Variants in MICA observed in about 807,000 individuals in gnomAD.
The protein encoded by MICA is HLA class I antigen.
A neutral mutation model predicts 34.3 loss-of-function variants in MICA; 18 were observed. The ratio of observed to expected loss-of-function variants is 0.52; its 90% CI spans 0.36 to 0.78. MICA has a LOEUF of 0.78. Among genes scored for constraint, MICA ranks in the 30% least tolerant of loss-of-function variants. The pLI, the probability that MICA is intolerant of heterozygous loss-of-function variation, is 0.00. For missense variants in MICA, 333 were observed against 409.4 expected (o/e 0.81, Z 1.61); for synonymous variants, 135 against 156.9 (o/e 0.86, Z 1.04).
chr6:31,409,810 G>A (rs12175489), intron 1 of MICA, among the ~76,000 whole-genome samples: 19,178 of 151,594 alleles, frequency 0.13, 1,632 homozygotes, highest in East Asian at 0.34. Flanking sequence ...GCAAATTAAG[G>A]GTCCAATTTT....
chr6:31,411,481 C>A lies in MICA; in HGVS notation c.613+122C>A. 2.0e-6 allele frequency: 2 copies of A among 1,013,174 alleles called. No individual in the cohort carries two copies. Among genetic ancestry groups the A allele is most frequent in the Non-Finnish European group, 1.4e-6 (1 of 711,854 alleles). The allele number at this position is 1,013,174 out of a possible 1,614,324, so 62.8% of individuals were successfully genotyped here. A position where few individuals can be genotyped will look rare whatever the true frequency, so the allele number is the denominator to read the frequency against. On this transcript the variant is annotated intron_variant, in intron 3 of 5. Transcript: ENST00000449934. The surrounding 1 kb of genome is among the most constrained non-coding windows in gnomAD (Gnocchi z 4.3). ...ATGAAGGCATTTCCTGTTGGCACATCGTGTCCTGATTTTCCTCTATTGTTA... is the reference window on the plus strand; with the variant it reads ...ATGAAGGCATTTCCTGTTGGCACATAGTGTCCTGATTTTCCTCTATTGTTA...
chr6:31,410,996 C>T (rs530390196), intron 2 of MICA, 76 bp from the exon 3 acceptor site: 1 of 1,494,622 alleles, frequency 6.7e-7, no homozygotes, highest in South Asian at 1.4e-5. Context: ...GAGGCATACC[C>T]CCTGGGCTGA....
upstream of MICA, chr6:31,403,475 A>C: frequency 1.7e-6 from 1 of 572,870 alleles, no homozygotes. This position sits in a 1 kb window ranked among gnomAD's most constrained non-coding sequence, Gnocchi z 4.7. Context: ...TTCTCTTCCA[A>C]GCGTGGCCCC....
intron 1 of MICA, among the ~76,000 whole-genome samples, chr6:31,409,547 T>C (rs1042937172): frequency 6.6e-6 from 1 of 151,878 alleles, no homozygotes; most frequent in African/African-American, 2.4e-5. Context: ...CAATATTTAT[T>C]TCATTTCGGG....
intron 1 of MICA, among the ~76,000 whole-genome samples, chr6:31,410,130 T>A (rs1298477910): frequency 1.8e-5 from 2 of 113,374 alleles, no homozygotes; most frequent in Non-Finnish European, 3.4e-5. Context: ...CATCTCACCC[T>A]CAGCCTATGC....
rs896566854 is a variant in MICA at position 31,403,827 on chromosome 6, G to A, written c.70+125G>A. 7.1e-5 allele frequency: 60 copies of A among 850,384 alleles called. No individual in the cohort carries two copies. In the African/African-American group the frequency reaches 7.5e-4, roughly 11 times the overall value. The allele number at this position is 850,384 out of a possible 1,614,324, so 52.7% of individuals were successfully genotyped here. ...TCCTGTGCCCTGTCGGTGGCGCAGG[G>A]AGCTGGACGCGGCCCGTTACCGCCA... is the stretch of plus-strand genomic sequence containing the variant. On this transcript the variant is annotated intron_variant, in intron 1 of 5. Coordinates refer to ENST00000449934, the MANE Select transcript of MICA (RefSeq NM_001177519.3). This position sits in a 1 kb window ranked among gnomAD's most constrained non-coding sequence, Gnocchi z 4.7.
chr6:31,404,907 G>A (rs1270927566), intron 1 of MICA, among the ~76,000 whole-genome samples: 3 of 151,218 alleles, frequency 2.0e-5, no homozygotes, highest in Non-Finnish European at 4.4e-5. Flanking sequence ...TGGTCCCTCC[G>A]CCCCTCTCCA....
chr6:31,412,986 G>A (rs1771291342), intron 5 of MICA, among the ~76,000 whole-genome samples: 1 of 151,048 alleles, frequency 6.6e-6, no homozygotes, highest in South Asian at 2.1e-4. Flanking sequence ...GACCTATGAG[G>A]CCCAGCCTGG....
upstream of MICA, among the ~76,000 whole-genome samples, chr6:31,403,231 G>A (rs112799839): frequency 5.1e-3 from 772 of 151,932 alleles, 20 homozygotes; most frequent in African/African-American, 0.018. The surrounding 1 kb of genome is among the most constrained non-coding windows in gnomAD (Gnocchi z 4.7). Context: ...TTAATGGGGC[G>A]GCCGGCGAAA....
rs1269099616 is a variant in MICA, at chr6:31,411,550, G to C, written c.613+191G>C. On this transcript the variant is annotated intron_variant, in intron 3 of 5. Coordinates refer to ENST00000449934, the MANE Select transcript of MICA (RefSeq NM_001177519.3). This position sits in a 1 kb window ranked among gnomAD's most constrained non-coding sequence, Gnocchi z 4.3. ...AGAGGGTCAGGGACTGGACCATCCAGTGTTGTAATCAGGGCAAGTAGAGGA... is the reference window on the plus strand; with the variant it reads ...AGAGGGTCAGGGACTGGACCATCCACTGTTGTAATCAGGGCAAGTAGAGGA... Among the ~76,000 whole-genome samples, 1 of 151,862 alleles carries C rather than the reference G, an allele frequency of 6.6e-6. No individual in the cohort carries two copies. Among genetic ancestry groups the C allele is most frequent in the African/African-American group, 2.4e-5 (1 of 41,256 alleles).
chr6:31,409,309 C>G lies in MICA; in HGVS notation c.71-1234C>G, dbSNP rs528265306. 4.2e-3 allele frequency among the ~76,000 whole-genome samples: 623 copies of G among 149,690 alleles called. 17 individuals carry two copies. The East Asian group carries it at 0.053, about 13-fold the overall frequency. On this transcript the variant is annotated intron_variant, in intron 1 of 5. Coordinates refer to ENST00000449934, the MANE Select transcript of MICA (RefSeq NM_001177519.3). ...TCTCTGTCTCTTTGCCAACCTTGCT[C>G]TGTGTGTGTGTGTATGTGTGTGTGT...
chr6:31,401,767 C>T (rs1282156566), upstream of MICA, among the ~76,000 whole-genome samples: 1 of 151,838 alleles, frequency 6.6e-6, no homozygotes, highest in Non-Finnish European at 1.5e-5. Context: ...TCGGAATCAC[C>T]TAGGGAACTT....
chr6:31,411,880 C>A lies in MICA; in HGVS notation c.614-67C>A. ...CCAGAGTGAGAACAGTGAAGAGAAA[C>A]AGCCCTGTTCCTCTCCCCTCCTTAG... is the stretch of plus-strand genomic sequence containing the variant. On this transcript the variant is annotated intron_variant, in intron 3 of 5. Transcript: ENST00000449934. The surrounding 1 kb of genome is among the most constrained non-coding windows in gnomAD (Gnocchi z 4.3). 1.9e-6 allele frequency: 3 copies of A among 1,549,244 alleles called. No homozygotes were observed. Among genetic ancestry groups the A allele is most frequent in the Non-Finnish European group, 2.6e-6 (3 of 1,149,226 alleles).
chr6:31,410,964 G>T, intron 2 of MICA, 108 bp from the exon 3 acceptor site: 1 of 1,471,684 alleles, frequency 6.8e-7, no homozygotes, highest in Non-Finnish European at 9.0e-7. Context: ...GCCCACACAG[G>T]GAGGCATGGA....
chr6:31,410,988 G>A, intron 2 of MICA, 84 bp from the exon 3 acceptor site: 1 of 1,484,790 alleles, frequency 6.7e-7, no homozygotes, highest in Non-Finnish European at 9.0e-7. Context: ...GGGCCAGGGA[G>A]GCATACCCCC....
intron 1 of MICA, among the ~76,000 whole-genome samples, chr6:31,404,692 C>T (rs1770652177): frequency 2.0e-5 from 3 of 151,974 alleles, no homozygotes; most frequent in African/African-American, 7.3e-5. Flanking sequence ...TCCCACTCCC[C>T]TCCAGACCCC....
chr6:31,407,760 G>A (rs1770827752), intron 1 of MICA, among the ~76,000 whole-genome samples: 1 of 151,832 alleles, frequency 6.6e-6, no homozygotes, highest in Non-Finnish European at 1.5e-5. Context: ...GAGTCTTTAG[G>A]TTTTTCCAAA....
intron 5 of MICA, 137 bp downstream of exon 5, chr6:31,412,597 G>A: frequency 1.7e-6 from 1 of 605,054 alleles, no homozygotes; most frequent in Non-Finnish European, 2.9e-6. Context: ...AATTTGGGAA[G>A]GGAATGGGGG....
chr6:31,411,484 GTCCTGATTT>G lies in MICA; in HGVS notation c.613+130_613+138del. On this transcript the variant is annotated intron_variant, in intron 3 of 5. Transcript: ENST00000449934. The surrounding 1 kb of genome is among the most constrained non-coding windows in gnomAD (Gnocchi z 4.3). ...AAGGCATTTCCTGTTGGCACATCGT[GTCCTGATTT>G]TCCTCTATTGTTAGAGCCACTGGAT... 1 of 993,776 alleles carries G rather than the reference GTCCTGATTT, an allele frequency of 1.0e-6. No homozygotes were observed. The highest frequency in any genetic ancestry group is 1.4e-6 in the Non-Finnish European group (1 of 694,628). The allele number at this position is 993,776 out of a possible 1,614,324, so 61.6% of individuals were successfully genotyped here.
Sources: gnomAD v4.1 joint callset for allele counts (sites outside exome capture counted in the v4.1 genomes callset) on GRCh38, gnomAD v4.1.1 for gene constraint, Gnocchi (gnomAD v3.1) non-coding constraint, MANE v1.5 for transcripts, NCBI Gene and HGNC (gene_info 2026-07-23, HGNC 2026-07-21) for gene names.